Variants in EGFLAM observed in about 807,000 individuals in gnomAD.
EGFLAM encodes pikachurin.
EGFLAM carries 79 observed loss-of-function variants against 113.1 expected under a neutral mutation model. The ratio of observed to expected loss-of-function variants is 0.70; its 90% CI spans 0.58 to 0.84. The LOEUF (loss-of-function observed/expected upper bound fraction) is 0.84. Ranked by LOEUF, EGFLAM falls within the 40% of genes least tolerant of loss-of-function variation. EGFLAM has a pLI of 0.00. For synonymous variants in EGFLAM, 504 were observed against 487.6 expected (o/e 1.03, Z -0.44); for missense variants, 1,265 against 1,291.6 (o/e 0.98, Z 0.32).
chr5:38,293,089 T>C (rs551674083), intron 1 of EGFLAM, among the ~76,000 whole-genome samples: 95 of 152,368 alleles, frequency 6.2e-4, no homozygotes, highest in African/African-American at 2.2e-3. Context: ...TTTGAAATGC[T>C]ATTGCCTGAG....
chr5:38,309,472 C>G (rs1758808513), intron 1 of EGFLAM, among the ~76,000 whole-genome samples: 1 of 152,194 alleles, frequency 6.6e-6, no homozygotes, highest in African/African-American at 2.4e-5. Context: ...GGAAAAGAAA[C>G]TGAGGGAGTG....
intron 6 of EGFLAM, among the ~76,000 whole-genome samples, chr5:38,403,070 C>G (rs1741166164): frequency 6.6e-6 from 1 of 152,158 alleles, no homozygotes; most frequent in Non-Finnish European, 1.5e-5. Context: ...TGGATTTCTT[C>G]TTCTGGAATC....
At chr5:38,364,950 G>A (rs1740021583) in intron 5 of EGFLAM, among the ~76,000 whole-genome samples, 2 of 152,158 alleles carry the variant, frequency 1.3e-5, no homozygotes, top group South Asian at 4.1e-4. Flanking sequence ...TGGAAAGAAG[G>A]AGGCCACAGG....
chr5:38,273,924 C>T (rs1289902899), intron 1 of EGFLAM, among the ~76,000 whole-genome samples: 1 of 152,036 alleles, frequency 6.6e-6, no homozygotes, highest in Non-Finnish European at 1.5e-5. Flanking sequence ...TTCAAAGTAG[C>T]TGTTTTAAGG....
intron 1 of EGFLAM, among the ~76,000 whole-genome samples, chr5:38,313,274 A>C (rs903741435): frequency 6.6e-6 from 1 of 152,156 alleles, no homozygotes; most frequent in African/African-American, 2.4e-5. Flanking sequence ...TTGTACATGC[A>C]TTCATTTCAT....
intron 6 of EGFLAM, among the ~76,000 whole-genome samples, chr5:38,405,179 T>C (rs1741243580): frequency 6.6e-6 from 1 of 152,138 alleles, no homozygotes; most frequent in South Asian, 2.1e-4. Flanking sequence ...TTCAAAAGTA[T>C]ATATATGTAT....
chr5:38,395,071 G>T (rs1001886523), intron 6 of EGFLAM, among the ~76,000 whole-genome samples: 3 of 151,984 alleles, frequency 2.0e-5, no homozygotes, highest in South Asian at 4.1e-4. Context: ...CTCCTGAGTA[G>T]CTGGGATTAC....
chr5:38,303,239 G>A (rs1758638501), intron 1 of EGFLAM, among the ~76,000 whole-genome samples: 2 of 152,162 alleles, frequency 1.3e-5, no homozygotes, highest in East Asian at 1.9e-4. Context: ...GAAAAATTTA[G>A]GGGAGAGGCA....
chr5:38,462,800 C>A, intron 20 of EGFLAM, 108 bp from the exon 21 acceptor site: 1 of 1,244,674 alleles, frequency 8.0e-7, no homozygotes, highest in Non-Finnish European at 1.1e-6. Context: ...AGCACAGTAC[C>A]TGGCACATAG....
chr5:38,319,862 G>A (rs143099663), intron 1 of EGFLAM, among the ~76,000 whole-genome samples: 26 of 152,330 alleles, frequency 1.7e-4, no homozygotes, highest in Non-Finnish European at 2.8e-4. Flanking sequence ...GCATGTCAGG[G>A]CCACCTCAGG....
At chr5:38,445,394 T>G in intron 17 of EGFLAM, 4 of 1,095,182 alleles carry the variant, frequency 3.7e-6, no homozygotes, top group Non-Finnish European at 4.8e-6. Context: ...GTCAGACAGC[T>G]GATTCTAAAC....
chr5:38,449,346 A>AC (rs1742830978), intron 18 of EGFLAM, among the ~76,000 whole-genome samples: 1 of 152,168 alleles, frequency 6.6e-6, no homozygotes, highest in African/African-American at 2.4e-5. Flanking sequence ...CGCCCAACAC[A>AC]CACCAGGCAG....
chr5:38,426,692 GAC>G (rs1742020215), intron 13 of EGFLAM, among the ~76,000 whole-genome samples: 1 of 152,190 alleles, frequency 6.6e-6, no homozygotes, highest in African/African-American at 2.4e-5. Flanking sequence ...GTTATACAGG[GAC>G]ACAGTTTCCT....
At chr5:38,316,099 G>A (rs1417977738) in intron 1 of EGFLAM, among the ~76,000 whole-genome samples, 1 of 144,326 alleles carries the variant, frequency 6.9e-6, no homozygotes, top group African/African-American at 2.7e-5. Context: ...AAAATCCTAA[G>A]CACAGAATCT....
At chr5:38,442,724 T>G (rs938111106) in intron 17 of EGFLAM, among the ~76,000 whole-genome samples, 1 of 152,090 alleles carries the variant, frequency 6.6e-6, no homozygotes, top group Non-Finnish European at 1.5e-5. Context: ...ATAGCACAAT[T>G]CTAAGATGGT....
At chr5:38,440,690 T>G (rs4869453) in intron 17 of EGFLAM, among the ~76,000 whole-genome samples, 2 of 152,044 alleles carry the variant, frequency 1.3e-5, no homozygotes, top group African/African-American at 2.4e-5. Flanking sequence ...AAAGTTGGGG[T>G]TTTTTTCTGC....
intron 6 of EGFLAM, chr5:38,401,015 A>G (rs746526985): frequency 6.6e-6 from 1 of 152,214 alleles, no homozygotes; most frequent in Non-Finnish European, 1.5e-5. Flanking sequence ...TTTCAAAGAA[A>G]TAGGTTACAA....
At chr5:38,261,396 A>T (rs1314264094) in intron 1 of EGFLAM, among the ~76,000 whole-genome samples, 1 of 152,238 alleles carries the variant, frequency 6.6e-6, no homozygotes, top group Non-Finnish European at 1.5e-5. Flanking sequence ...ATGCACAGTG[A>T]TTTATTTAAT....
chr5:38,458,446 TGTG>T lies in EGFLAM; in HGVS notation c.2771+56_2771+58del, dbSNP rs770999827. 9.5e-6 allele frequency: 15 copies of T among 1,571,704 alleles called. No individual in the cohort carries two copies. In the South Asian group the frequency reaches 1.6e-4, roughly 17 times the overall value. On this transcript the variant is annotated intron_variant, in intron 20 of 21. Transcript: ENST00000322350. ...GAGCCAGAGCTGAGCAGTGGTGGGA[TGTG>T]GTGTCCAGTTCCCTTGTAGTCCCAC...
Sources: allele counts gnomAD v4.1 joint callset (sites outside exome capture counted in the v4.1 genomes callset), GRCh38; gene constraint gnomAD v4.1.1; transcripts MANE v1.5; gene names NCBI Gene and HGNC (gene_info 2026-07-23, HGNC 2026-07-21).